PPP1R12A: variants seen among roughly 807,000 people sequenced by gnomAD.
PPP1R12A encodes myosin binding subunit.
Under a neutral mutation model 139.6 loss-of-function variants are expected in PPP1R12A, and 19 were observed. The observed-to-expected ratio is 0.14, with a 90% CI of 0.09 to 0.20. PPP1R12A has a LOEUF of 0.20. Ranked by LOEUF, PPP1R12A falls within the 10% of genes least tolerant of loss-of-function variation. PPP1R12A has a pLI of 1.00. For synonymous variants in PPP1R12A, 427 were observed against 420.6 expected (o/e 1.02, Z -0.19); for missense variants, 925 against 1,211.5 (o/e 0.76, Z 3.51).
At position 79,796,954 on chromosome 12, in the gene PPP1R12A, T is replaced by C. The variant is rs370050266; in HGVS notation, c.2293-4A>G. The C allele has an allele frequency of 2.3e-5, 37 of 1,595,866 alleles. No homozygotes were observed. The African/African-American group carries it at 4.2e-4, about 18-fold the overall frequency. On this transcript the variant is annotated splice_polypyrimidine_tract_variant and splice_region_variant and intron_variant, in intron 16 of 24. Coordinates refer to ENST00000450142, the MANE Select transcript of PPP1R12A (RefSeq NM_002480.3). The stretch of plus-strand genomic sequence containing the variant: ...CTGGCCTATAACGCTGGTAAGTCTG[T>C]GAAACATTAAGATCAAAACCCATTT...
chr12:79,916,700 G>A (rs912039260), intron 1 of PPP1R12A, among the ~76,000 whole-genome samples: 4 of 152,086 alleles, frequency 2.6e-5, no homozygotes, highest in African/African-American at 9.7e-5. Context: ...ACATCGTCAA[G>A]CAGTCATTCC....
intron 3 of PPP1R12A, among the ~76,000 whole-genome samples, chr12:79,838,376 G>A (rs1409804799): frequency 6.6e-6 from 1 of 152,180 alleles, no homozygotes. Flanking sequence ...TAATGTGAAA[G>A]AAAACCCAAT....
intron 2 of PPP1R12A, among the ~76,000 whole-genome samples, chr12:79,855,416 T>C (rs765116575): frequency 1.3e-5 from 2 of 152,216 alleles, no homozygotes; most frequent in African/African-American, 4.8e-5. Context: ...TCTTTGTTAC[T>C]GTGAATAGTG....
At chr12:79,858,405 G>C (rs1227945496) in intron 2 of PPP1R12A, among the ~76,000 whole-genome samples, 1 of 152,174 alleles carries the variant, frequency 6.6e-6, no homozygotes, top group African/African-American at 2.4e-5. Flanking sequence ...ATTGTGCCAA[G>C]TGTCTTATAC....
At chr12:79,902,510 C>T (rs1885739487) in intron 1 of PPP1R12A, among the ~76,000 whole-genome samples, 1 of 151,872 alleles carries the variant, frequency 6.6e-6, no homozygotes. Flanking sequence ...AAACATTTAC[C>T]TCATAGACAA....
At chr12:79,840,923 C>A (rs1303122180) in intron 3 of PPP1R12A, among the ~76,000 whole-genome samples, 1 of 152,092 alleles carries the variant, frequency 6.6e-6, no homozygotes, top group African/African-American at 2.4e-5. Context: ...CTATCTGGCT[C>A]TGACCTATCT....
intron 1 of PPP1R12A, among the ~76,000 whole-genome samples, chr12:79,917,493 A>C (rs1432875018): frequency 1.3e-5 from 2 of 151,630 alleles, no homozygotes; most frequent in East Asian, 3.9e-4. Flanking sequence ...CAAAAAAAAA[A>C]AAAAAAAAAA....
chr12:79,811,675 ATAT>A (rs1874551992), intron 9 of PPP1R12A, among the ~76,000 whole-genome samples: 1 of 152,242 alleles, frequency 6.6e-6, no homozygotes, highest in Non-Finnish European at 1.5e-5. Context: ...AACACAGATA[ATAT>A]TAATACACAA....
At position 79,832,328 on chromosome 12, in the gene PPP1R12A, T is replaced by G; in HGVS notation, c.647+4A>C. The G allele has an allele frequency of 6.3e-7, 1 of 1,592,314 alleles. No individual in the cohort carries two copies. The highest frequency in any genetic ancestry group is 8.5e-7 in the Non-Finnish European group (1 of 1,173,180). On this transcript the variant is annotated splice_donor_region_variant and intron_variant, in intron 4 of 24. Transcript: ENST00000450142. ...AGAAAAACTCTGTAAAAAACAATAC[T>G]TACTTTAAAACTTCCGTATAGCCTT... is the stretch of plus-strand genomic sequence containing the variant.
chr12:79,830,890 G>A (rs1278583476), intron 4 of PPP1R12A, among the ~76,000 whole-genome samples: 3 of 152,130 alleles, frequency 2.0e-5, no homozygotes, highest in African/African-American at 4.8e-5. Flanking sequence ...AATGGTGGTA[G>A]CTTAGCTTAA....
At chr12:79,908,762 C>A (rs1479026778) in intron 1 of PPP1R12A, among the ~76,000 whole-genome samples, 3 of 152,188 alleles carry the variant, frequency 2.0e-5, no homozygotes, top group Non-Finnish European at 2.9e-5. Context: ...TATATGTTAA[C>A]AGTGTTCAGA....
intron 1 of PPP1R12A, among the ~76,000 whole-genome samples, chr12:79,876,592 C>T (rs955495713): frequency 3.9e-5 from 6 of 152,152 alleles, no homozygotes; most frequent in African/African-American, 1.2e-4. Flanking sequence ...ACATTTCTCA[C>T]CTGCAACAGG....
intron 2 of PPP1R12A, among the ~76,000 whole-genome samples, chr12:79,846,166 GCAGA>G (rs1879365385): frequency 6.6e-6 from 1 of 152,086 alleles, no homozygotes; most frequent in Admixed American, 6.5e-5. Context: ...TACTAAAGAA[GCAGA>G]CAGATAATTA....
intron 1 of PPP1R12A, among the ~76,000 whole-genome samples, chr12:79,881,642 T>A (rs1390372687): frequency 6.6e-6 from 1 of 152,166 alleles, no homozygotes; most frequent in Non-Finnish European, 1.5e-5. Context: ...ATCTTCCAGA[T>A]GCAGCTAAAA....
intron 5 of PPP1R12A, chr12:79,828,032 G>T: frequency 5.2e-6 from 1 of 193,450 alleles, no homozygotes; most frequent in Non-Finnish European, 1.0e-5. Context: ...TAAGAACATA[G>T]TATTAATGCA....
intron 2 of PPP1R12A, among the ~76,000 whole-genome samples, chr12:79,858,855 C>G (rs1466775859): frequency 6.6e-6 from 1 of 152,130 alleles, no homozygotes; most frequent in Non-Finnish European, 1.5e-5. Flanking sequence ...CCAAAGCATA[C>G]CTCTGTAGGC....
At chr12:79,777,108 C>T (rs1869821674) in intron 24 of PPP1R12A, 2 of 882,516 alleles carry the variant, frequency 2.3e-6, no homozygotes, top group African/African-American at 3.6e-5. Context: ...CTTCAAATGA[C>T]ATTATTTTGA....
At chr12:79,841,153 T>C (rs1278188536) in intron 3 of PPP1R12A, among the ~76,000 whole-genome samples, 2 of 151,898 alleles carry the variant, frequency 1.3e-5, no homozygotes, top group Non-Finnish European at 2.9e-5. Flanking sequence ...AACCTTGTAC[T>C]CCTGGCGTCA....
chr12:79,793,721 G>A (rs956778481), intron 19 of PPP1R12A, 142 bp downstream of exon 19: 1 of 594,806 alleles, frequency 1.7e-6, no homozygotes, highest in Admixed American at 3.5e-5. Flanking sequence ...CTGATCCCCA[G>A]GCAAACACTG....
Sources: allele counts gnomAD v4.1 joint callset (sites outside exome capture counted in the v4.1 genomes callset), GRCh38; gene constraint gnomAD v4.1.1; transcripts MANE v1.5; gene names NCBI Gene and HGNC (gene_info 2026-07-23, HGNC 2026-07-21).